AK6: variants seen among roughly 807,000 people sequenced by gnomAD.
AK6 encodes the protein adenylate kinase 6, also known as adenylate kinase isoenzyme 6.
In AK6, 24 loss-of-function variants were observed where a neutral mutation model predicts 23.7. That is an observed-to-expected ratio of 1.01 (90% CI 0.73 to 1.43). The LOEUF (loss-of-function observed/expected upper bound fraction) is 1.43. Among genes scored for constraint, AK6 ranks in the 40% most tolerant of loss-of-function variants. The pLI, the probability that AK6 is intolerant of heterozygous loss-of-function variation, is 0.00. For missense variants in AK6, 191 were observed against 199.1 expected, an observed-to-expected ratio of 0.96 and a Z score of 0.24; for synonymous variants, 73 against 69.8, an observed-to-expected ratio of 1.05 and a Z score of -0.23.
At chr5:69,361,036 A>C (rs1021320759) in intron 2 of AK6, among the ~76,000 whole-genome samples, 4 of 152,240 alleles carry the variant, frequency 2.6e-5, no homozygotes, top group African/African-American at 9.6e-5. Flanking sequence ...TGCCAGGAAA[A>C]TTAAGGATGC....
chr5:69,367,078 C>G (rs1298181190), intron 1 of AK6, among the ~76,000 whole-genome samples: 1 of 151,986 alleles, frequency 6.6e-6, no homozygotes, highest in Admixed American at 6.6e-5. Flanking sequence ...TTAGCATGTA[C>G]TACGATCTAA....
rs1030555618 is a variant in AK6 at position 69,352,869 on chromosome 5, A to G, written c.327-616T>C. ...TGGAAGGGTCAAATACAAAGTTTCCATATTACCCAGCAATTCAATTCCTAG... is the reference window on the plus strand; with the variant it reads ...TGGAAGGGTCAAATACAAAGTTTCCGTATTACCCAGCAATTCAATTCCTAG... On this transcript the variant is annotated intron_variant, in intron 4 of 4. Transcript: ENST00000380822. Among the ~76,000 whole-genome samples, 26 of 152,260 alleles carry G rather than the reference A, an allele frequency of 1.7e-4. No individual in the cohort carries two copies. In the South Asian group the frequency reaches 3.7e-3, roughly 22 times the overall value.
rs200384783 is a variant in AK6, at chr5:69,353,593, C to T, written c.327-1340G>A. Among the ~76,000 whole-genome samples, 3 of 152,104 alleles carry T rather than the reference C, an allele frequency of 2.0e-5. No individual in the cohort carries two copies. The East Asian group carries it at 5.8e-4, about 30-fold the overall frequency. The stretch of plus-strand genomic sequence containing the variant: ...TTACAGGCGTGAGCCACCGCGCCCA[C>T]CCCCAAAATTTTCTAAAATTGTTTG... On this transcript the variant is annotated intron_variant, in intron 4 of 4. Transcript: ENST00000380822.
chr5:69,352,330 C>T (rs1761968434), intron 4 of AK6, 77 bp from the exon 5 acceptor site: 7 of 1,177,412 alleles, frequency 5.9e-6, no homozygotes, highest in Non-Finnish European at 8.5e-6. Flanking sequence ...ATACCAGAAA[C>T]TGGACACTTT....
intron 2 of AK6, among the ~76,000 whole-genome samples, chr5:69,360,349 GGA>G (rs1328802456): frequency 4.6e-5 from 7 of 152,194 alleles, no homozygotes; most frequent in Admixed American, 4.6e-4. Context: ...GGATCTGTGT[GGA>G]GAGAGTGAAT....
upstream of AK6, chr5:69,369,715 G>A (rs758535619): frequency 6.4e-6 from 10 of 1,550,846 alleles, no homozygotes; most frequent in African/African-American, 1.4e-5. Flanking sequence ...ACTCGGGTCG[G>A]TACTTCGGGT....
In AK6 at chr5:69,369,069, T is replaced by C. The variant is rs895815278; in HGVS notation, c.28+394A>G. 1.9e-4 allele frequency: 54 copies of C among 283,352 alleles called. No individual in the cohort carries two copies. The Admixed American group carries it at 2.7e-3, about 14-fold the overall frequency. 17.6% of individuals were successfully genotyped at this position (283,352 alleles called of 1,614,324 possible). A position where few individuals can be genotyped will look rare whatever the true frequency, so the allele number is the denominator to read the frequency against. ...GAGTGAGGCATCCACCATTAATGAC[T>C]CTACCGGGAAGCAGATATGGCCTTA... On this transcript the variant is annotated intron_variant, in intron 1 of 4. Coordinates refer to ENST00000380822, the MANE Select transcript of AK6 (RefSeq NM_016283.5).
chr5:69,366,649 G>A, intron 1 of AK6, 54 bp from the exon 2 acceptor site: 1 of 1,249,342 alleles, frequency 8.0e-7, no homozygotes, highest in East Asian at 2.3e-5. Flanking sequence ...TTATCACACT[G>A]CGGTCCACCT....
intron 2 of AK6, among the ~76,000 whole-genome samples, chr5:69,357,799 A>C (rs1762120536): frequency 6.6e-6 from 1 of 152,190 alleles, no homozygotes; most frequent in South Asian, 2.1e-4. Context: ...AAAATTAGAA[A>C]ATAATAAAAA....
chr5:69,365,958 TG>T (rs1161480242), intron 2 of AK6, among the ~76,000 whole-genome samples: 1 of 152,206 alleles, frequency 6.6e-6, no homozygotes, highest in African/African-American at 2.4e-5. Context: ...TACAAATCAT[TG>T]TCGACTATAA....
intron 2 of AK6, chr5:69,365,766 T>C (rs755129674): frequency 1.3e-5 from 19 of 1,485,456 alleles, no homozygotes; most frequent in Non-Finnish European, 1.7e-5. Context: ...TTTAGATCAT[T>C]TGAAAAAAAT....
intron 2 of AK6, among the ~76,000 whole-genome samples, chr5:69,358,984 T>C (rs1762156817): frequency 6.6e-6 from 1 of 151,904 alleles, no homozygotes; most frequent in African/African-American, 2.4e-5. Flanking sequence ...TTCGCGCTTA[T>C]AATCCTAGCA....
intron 3 of AK6, 25 bp downstream of exon 3, chr5:69,355,870 T>C (rs200246673): frequency 1.9e-6 from 3 of 1,602,666 alleles, no homozygotes; most frequent in Admixed American, 1.8e-5. Flanking sequence ...AACAAATGCA[T>C]ACTTTATGAA....
At chr5:69,365,996 G>A (rs576484501) in intron 2 of AK6, among the ~76,000 whole-genome samples, 109 of 152,248 alleles carry the variant, frequency 7.2e-4, no homozygotes, top group African/African-American at 2.2e-3. Context: ...ATAAGGGAGC[G>A]ATGAAAGATT....
At chr5:69,369,368 G>A (rs1007412573) in intron 1 of AK6, 95 bp downstream of exon 1, 75 of 1,417,990 alleles carry the variant, frequency 5.3e-5, no homozygotes, top group Middle Eastern at 2.4e-4. Flanking sequence ...CTCTGAAGAG[G>A]GCAGTGAGGG....
chr5:69,369,760 C>T (rs1205143315), upstream of AK6: 8 of 1,479,322 alleles, frequency 5.4e-6, no homozygotes, highest in African/African-American at 1.4e-5. Flanking sequence ...TCACACACTC[C>T]TTCGGTGGTC....
In AK6 at chr5:69,355,823, T is replaced by C. The variant is rs1334041899; in HGVS notation, c.181-29A>G. The C allele has an allele frequency of 1.9e-6, 3 of 1,595,700 alleles. No individual in the cohort carries two copies. In the Admixed American group the frequency reaches 5.4e-5, roughly 29 times the overall value. On this transcript the variant is annotated intron_variant, in intron 3 of 4. Transcript: ENST00000380822. ...TAAGAAAAGTTTAAAAAAAAATGCTTCTTAAGAAAACTGAAGTCAACTTTC... is the reference window on the plus strand; with the variant it reads ...TAAGAAAAGTTTAAAAAAAAATGCTCCTTAAGAAAACTGAAGTCAACTTTC...
chr5:69,355,503 C>G (rs1034391472), intron 4 of AK6, 146 bp downstream of exon 4: 1 of 828,838 alleles, frequency 1.2e-6, no homozygotes, highest in Non-Finnish European at 1.8e-6. Flanking sequence ...TGCCCTCCAG[C>G]CTGGGTGACA....
chr5:69,353,564 G>A (rs1358818204), intron 4 of AK6, among the ~76,000 whole-genome samples: 1 of 151,966 alleles, frequency 6.6e-6, no homozygotes, highest in Admixed American at 6.6e-5. Flanking sequence ...CCAAAGTGCT[G>A]GAATTACAGG....
Sources: gnomAD v4.1 joint callset for allele counts (sites outside exome capture counted in the v4.1 genomes callset) on GRCh38, gnomAD v4.1.1 for gene constraint, MANE v1.5 for transcripts, NCBI Gene and HGNC (gene_info 2026-07-23, HGNC 2026-07-21) for gene names.